DNAAF9: variants seen among roughly 807,000 people sequenced by gnomAD.
The protein encoded by DNAAF9 is dynein axonemal assembly factor 9.
Under a neutral mutation model 167.0 loss-of-function variants are expected in DNAAF9, and 90 were observed. That is an observed-to-expected ratio of 0.54 (90% confidence interval 0.45 to 0.64). The LOEUF is 0.64. Ranked by LOEUF, DNAAF9 falls within the 30% of genes least tolerant of loss-of-function variation. DNAAF9 has a pLI of 0.00. For synonymous variants in DNAAF9, 491 were observed against 508.8 expected (o/e 0.96, Z 0.47); for missense variants, 1,315 against 1,442.2 (o/e 0.91, Z 1.43).
chr20:3,397,189 G>A (rs2083920016), intron 1 of DNAAF9, among the ~76,000 whole-genome samples: 1 of 151,064 alleles, frequency 6.6e-6, no homozygotes, highest in Non-Finnish European at 1.5e-5. Context: ...AGAGGTTGCT[G>A]TCAGTGGAGA....
intron 3 of DNAAF9, among the ~76,000 whole-genome samples, chr20:3,380,811 GCC>G (rs2083639023): frequency 6.6e-6 from 1 of 152,194 alleles, no homozygotes; most frequent in African/African-American, 2.4e-5. Context: ...CTGGGCAATA[GCC>G]CCCAGCAGCA....
intron 16 of DNAAF9, among the ~76,000 whole-genome samples, chr20:3,321,132 C>T (rs1040926146): frequency 2.6e-5 from 4 of 152,162 alleles, no homozygotes; most frequent in Non-Finnish European, 4.4e-5. Context: ...GGTTGGAAAA[C>T]GTTGCTCTGA....
At position 3,303,269 on chromosome 20, in the gene DNAAF9, T is replaced by C. The variant is rs112671208; in HGVS notation, c.1782+1171A>G. On this transcript the variant is annotated intron_variant, in intron 21 of 36. Transcript: ENST00000252032. ...AAAAAAAAAAAAAATCAGTAACTGG[T>C]CAAATTTGACAAACTTTTCCTTTAG... is the stretch of plus-strand genomic sequence containing the variant. Among the ~76,000 whole-genome samples the C allele has an allele frequency of 5.9e-5, 9 of 151,966 alleles. No homozygotes were observed. In the South Asian group the frequency reaches 1.9e-3, roughly 32 times the overall value.
At chr20:3,322,532 T>C in intron 15 of DNAAF9, 120 bp downstream of exon 15, 3 of 862,108 alleles carry the variant, frequency 3.5e-6, no homozygotes, top group South Asian at 2.7e-5. Context: ...AGCCCAACCC[T>C]GGAGTGATGT....
intron 27 of DNAAF9, among the ~76,000 whole-genome samples, chr20:3,283,936 A>G (rs1002512863): frequency 3.3e-5 from 5 of 152,036 alleles, no homozygotes; most frequent in Admixed American, 1.3e-4. Context: ...ATTAATTTCC[A>G]TTGACTTTAA....
chr20:3,355,571 CA>C (rs147334042), intron 7 of DNAAF9, among the ~76,000 whole-genome samples: 190 of 135,284 alleles, frequency 1.4e-3, no homozygotes, highest in Admixed American at 1.6e-3. Flanking sequence ...GACTGTGTTT[CA>C]AAAAAAAAAA....
intron 33 of DNAAF9, among the ~76,000 whole-genome samples, chr20:3,256,457 A>G (rs1195914481): frequency 1.3e-5 from 2 of 152,110 alleles, no homozygotes; most frequent in African/African-American, 2.4e-5. Flanking sequence ...GGCTGCAGTG[A>G]GCTGAGATTG....
chr20:3,362,088 G>T (rs1205611926), intron 6 of DNAAF9: 9 of 1,401,272 alleles, frequency 6.4e-6, no homozygotes, highest in Admixed American at 1.8e-5. Flanking sequence ...TTACAAAGGG[G>T]GGTGCTTCTG....
chr20:3,388,519 A>G (rs1363938075), intron 1 of DNAAF9, among the ~76,000 whole-genome samples: 1 of 152,220 alleles, frequency 6.6e-6, no homozygotes, highest in East Asian at 1.9e-4. Context: ...ACCCATCTTC[A>G]TAGAAGCACT....
rs2084080105 is a variant in DNAAF9 at position 3,407,484 on chromosome 20, G to A, written c.74C>T (p.Pro25Leu). The A allele has an allele frequency of 7.7e-7, 1 of 1,304,058 alleles. No homozygotes were observed. The highest frequency in any genetic ancestry group is 9.7e-7 in the Non-Finnish European group (1 of 1,028,768). The allele number at this position is 1,304,058 out of a possible 1,614,324, so 80.8% of individuals were successfully genotyped here. The change falls in exon 1 of 37, where the codon CCC (proline) becomes CTC (leucine). Residue 25 changes from proline (P) to leucine (L), a missense_variant. Pro to Leu is a moderately conservative substitution (Grantham distance 98). Coordinates refer to ENST00000252032, the MANE Select transcript of DNAAF9 (RefSeq NM_001009984.3). Reference sequence around the variant, plus strand: ...CCTCTGCCCCGCGTACCTGACGGAGGGTGACCCGCGGCTGGAGCCGCCAGG... The same window carrying A: ...CCTCTGCCCCGCGTACCTGACGGAGAGTGACCCGCGGCTGGAGCCGCCAGG... ...RSPGGSSRGS[P>L]SVSCSRLRQV... is the part of the protein sequence containing the mutation.
rs141996476 is a variant in DNAAF9, at chr20:3,352,827, A to G, written c.691-4204T>C. 9.5e-3 allele frequency among the ~76,000 whole-genome samples: 1,362 copies of G among 142,970 alleles called. 20 individuals are homozygous for G. Among genetic ancestry groups the G allele is most frequent in the African/African-American group, 0.034 (1,307 of 38,008 alleles). The allele number at this position is 142,970 out of a possible 152,430, so 93.8% of individuals were successfully genotyped here. ...ATATCAACACATCAAATATGTTTAA[A>G]TCTATGAGTTCAAAATATTTATATA... On this transcript the variant is annotated intron_variant, in intron 7 of 36. Transcript: ENST00000252032.
intron 1 of DNAAF9, among the ~76,000 whole-genome samples, chr20:3,392,958 CAT>C (rs1291969185): frequency 6.6e-6 from 1 of 152,132 alleles, no homozygotes; most frequent in Admixed American, 6.5e-5. Flanking sequence ...CTCAGTAATA[CAT>C]AGTTTTGGTG....
chr20:3,265,175 G>C lies in DNAAF9; in HGVS notation c.2787-651C>G, dbSNP rs528349818. Among the ~76,000 whole-genome samples the C allele has an allele frequency of 5.5e-4, 84 of 152,232 alleles. 1 individual carries two copies. Among genetic ancestry groups the C allele is most frequent in the South Asian group, 1.5e-3 (7 of 4,816 alleles). On this transcript the variant is annotated intron_variant, in intron 30 of 36. Coordinates refer to ENST00000252032, the MANE Select transcript of DNAAF9 (RefSeq NM_001009984.3). ...CTAATTTTCAACAAGATCTCCACTA[G>C]AGATGCATATGCACCACAAAGCTGG...
intron 21 of DNAAF9, among the ~76,000 whole-genome samples, chr20:3,298,545 C>G (rs976812327): frequency 3.7e-4 from 57 of 152,164 alleles, no homozygotes; most frequent in Non-Finnish European, 1.5e-5. Flanking sequence ...GTCTCAAACT[C>G]CTGGTCTCAA....
intron 21 of DNAAF9, 109 bp downstream of exon 21, chr20:3,304,331 G>A: frequency 1.4e-6 from 1 of 704,412 alleles, no homozygotes; most frequent in South Asian, 1.6e-5. Flanking sequence ...GCTGGTTCCT[G>A]ACATACTGCC....
At chr20:3,299,034 G>A (rs1337882524) in intron 21 of DNAAF9, among the ~76,000 whole-genome samples, 1 of 148,608 alleles carries the variant, frequency 6.7e-6, no homozygotes, top group East Asian at 2.0e-4. Context: ...TCAGCCTCCC[G>A]AGTAGCTGGG....
chr20:3,332,900 G>GTGGTGTGTGTGTGTGT (rs1376871054), intron 10 of DNAAF9, among the ~76,000 whole-genome samples: 12 of 146,840 alleles, frequency 8.2e-5, no homozygotes, highest in African/African-American at 3.0e-4. Flanking sequence ...GTGTGCGTGT[G>GTGGTGTGTGTGTGTGT]GTGTGTGTGT....
At chr20:3,385,954 G>A (rs1489810617) in intron 1 of DNAAF9, among the ~76,000 whole-genome samples, 2 of 152,072 alleles carry the variant, frequency 1.3e-5, no homozygotes, top group African/African-American at 4.8e-5. Context: ...ACATCCCTAT[G>A]AAAATCCAGT....
chr20:3,311,206 T>A lies in DNAAF9; in HGVS notation c.1678+3827A>T, dbSNP rs115078817. Among the ~76,000 whole-genome samples, 136 of 152,286 alleles carry A rather than the reference T, an allele frequency of 8.9e-4. 1 individual carries two copies. Among genetic ancestry groups the A allele is most frequent in the African/African-American group, 3.1e-3 (129 of 41,568 alleles). ...ACCAGGCTGGAGTACAGTGGTGAGA[T>A]CATAGCTTACTGCAGCCTTGAACTC... On this transcript the variant is annotated intron_variant, in intron 20 of 36. Coordinates refer to ENST00000252032, the MANE Select transcript of DNAAF9 (RefSeq NM_001009984.3).
Sources: gnomAD v4.1 joint callset for allele counts (sites outside exome capture counted in the v4.1 genomes callset) on GRCh38, gnomAD v4.1.1 for gene constraint, MANE v1.5 for transcripts, NCBI Gene and HGNC (gene_info 2026-07-23, HGNC 2026-07-21) for gene names.